Variants in SPOCK3 observed in about 807,000 individuals in gnomAD.
The protein encoded by SPOCK3 is SPARC (osteonectin), cwcv and kazal like domains proteoglycan 3.
SPOCK3 carries 30 observed loss-of-function variants against 56.6 expected under a neutral mutation model. The observed-to-expected ratio is 0.53, with a 90% CI of 0.40 to 0.72. The LOEUF (loss-of-function observed/expected upper bound fraction) is 0.72, where lower values mean the gene tolerates loss of function less well. Ranked by LOEUF, SPOCK3 falls within the 30% of genes least tolerant of loss-of-function variation. SPOCK3 has a pLI of 0.00. For synonymous variants in SPOCK3, 196 were observed against 183.3 expected, an observed-to-expected ratio of 1.07 and a Z score of -0.56; for missense variants, 527 against 530.0, an observed-to-expected ratio of 0.99 and a Z score of 0.06.
chr4:166,982,706 T>C (rs900208947), intron 4 of SPOCK3, among the ~76,000 whole-genome samples: 2 of 152,354 alleles, frequency 1.3e-5, no homozygotes, highest in Non-Finnish European at 1.5e-5. Flanking sequence ...TATGTTTCTA[T>C]ACACATTGAA....
At position 167,233,951 on chromosome 4, in the gene SPOCK3, C is replaced by T. The variant is rs199582399; in HGVS notation, c.189+34G>A. ...GGCCCCCGCCTCGGAGCAGCGCGCGCGTGTGCCCGGGGATGTGGGTGCGCG... is the reference window on the plus strand; with the variant it reads ...GGCCCCCGCCTCGGAGCAGCGCGCGTGTGTGCCCGGGGATGTGGGTGCGCG... On this transcript the variant is annotated intron_variant, in intron 2 of 10. Transcript: ENST00000357545. 3,793 of 1,589,100 alleles carry T rather than the reference C, an allele frequency of 2.4e-3. 27 individuals carry two copies. The highest frequency in any genetic ancestry group is 0.017 in the South Asian group (1,495 of 89,976).
At chr4:166,837,578 C>T (rs1173762392) in intron 6 of SPOCK3, among the ~76,000 whole-genome samples, 1 of 152,166 alleles carries the variant, frequency 6.6e-6, no homozygotes, top group Non-Finnish European at 1.5e-5. Flanking sequence ...AGAAATTGTA[C>T]TTCCCATTAC....
At chr4:166,950,144 T>C (rs1202396110) in intron 4 of SPOCK3, among the ~76,000 whole-genome samples, 7 of 151,478 alleles carry the variant, frequency 4.6e-5, no homozygotes, top group African/African-American at 1.7e-4. Context: ...GACTGGCAAA[T>C]TGGATAAAGA....
chr4:167,162,055 A>G (rs1765367600), intron 2 of SPOCK3, among the ~76,000 whole-genome samples: 1 of 152,028 alleles, frequency 6.6e-6, no homozygotes, highest in African/African-American at 2.4e-5. Flanking sequence ...AAAAAAAAGA[A>G]GACACAGAGA....
At chr4:167,015,161 A>G (rs765960256) in intron 3 of SPOCK3, among the ~76,000 whole-genome samples, 3 of 152,086 alleles carry the variant, frequency 2.0e-5, no homozygotes, top group Non-Finnish European at 4.4e-5. Flanking sequence ...ATAGATAGAT[A>G]AAACTAATTT....
chr4:166,773,016 T>A (rs927593349), intron 7 of SPOCK3, among the ~76,000 whole-genome samples: 1 of 152,162 alleles, frequency 6.6e-6, no homozygotes, highest in Non-Finnish European at 1.5e-5. Context: ...GGTCTCGAAC[T>A]ACTGGCCTCA....
chr4:166,911,246 T>C (rs1579620623), intron 5 of SPOCK3, among the ~76,000 whole-genome samples: 1 of 21,660 alleles, frequency 4.6e-5, no homozygotes, highest in African/African-American at 2.0e-4. Context: ...GCACCTAGTG[T>C]GTACTATGTA....
At chr4:167,109,127 T>TATATTTATATAAAAATATATATAAA (rs1253630622) in intron 2 of SPOCK3, among the ~76,000 whole-genome samples, 253 of 690 alleles carry the variant, frequency 0.37, 76 homozygotes, top group South Asian at 0.5. Context: ...TATATAAATA[T>TATATTTATATAAAAATATATATAAA]TATATATTTA....
chr4:167,174,618 A>G lies in SPOCK3; in HGVS notation c.189+59367T>C, dbSNP rs563049428. Among the ~76,000 whole-genome samples the G allele has an allele frequency of 2.6e-5, 4 of 152,254 alleles. No individual in the cohort carries two copies. In the South Asian group the frequency reaches 8.3e-4, roughly 32 times the overall value. ...GCTTGGAATCAAGAGATGAGCCTAGAGCCTATCGGATGAGAATGAAGGCTC... is the reference window on the plus strand; with the variant it reads ...GCTTGGAATCAAGAGATGAGCCTAGGGCCTATCGGATGAGAATGAAGGCTC... On this transcript the variant is annotated intron_variant, in intron 2 of 10. Transcript: ENST00000357545.
chr4:166,893,017 C>T (rs566699067), intron 5 of SPOCK3, among the ~76,000 whole-genome samples: 1 of 152,146 alleles, frequency 6.6e-6, no homozygotes, highest in East Asian at 1.9e-4. Flanking sequence ...ATTTCACTCC[C>T]CCCTCAAATG....
chr4:166,860,248 G>A (rs1731094383), intron 6 of SPOCK3, among the ~76,000 whole-genome samples: 1 of 151,994 alleles, frequency 6.6e-6, no homozygotes, highest in African/African-American at 2.4e-5. Context: ...TAGCCAGGAT[G>A]GTGTTGTTTG....
At chr4:166,767,423 T>C (rs1468746361) in intron 7 of SPOCK3, among the ~76,000 whole-genome samples, 2 of 152,096 alleles carry the variant, frequency 1.3e-5, no homozygotes, top group East Asian at 1.9e-4. Context: ...AACATCTTTA[T>C]TTCTGCCTTC....
chr4:166,937,292 A>T (rs1740515666), intron 4 of SPOCK3, among the ~76,000 whole-genome samples: 1 of 151,724 alleles, frequency 6.6e-6, no homozygotes, highest in Non-Finnish European at 1.5e-5. Context: ...AATTTTTCCC[A>T]GGATTACCAT....
At chr4:166,936,287 C>A (rs1186714306) in intron 4 of SPOCK3, among the ~76,000 whole-genome samples, 1 of 151,848 alleles carries the variant, frequency 6.6e-6, no homozygotes, top group Non-Finnish European at 1.5e-5. Context: ...TTAAAAAGTT[C>A]TTGTCTGATT....
chr4:166,837,984 T>A (rs1012917676), intron 6 of SPOCK3, among the ~76,000 whole-genome samples: 5 of 152,330 alleles, frequency 3.3e-5, no homozygotes, highest in Middle Eastern at 3.4e-3. Flanking sequence ...TCTCATGATA[T>A]ATATCGTGTT....
chr4:167,078,952 A>G (rs370452759), intron 2 of SPOCK3, among the ~76,000 whole-genome samples: 4 of 151,980 alleles, frequency 2.6e-5, no homozygotes, highest in South Asian at 4.1e-4. Context: ...ACAGTTCTAT[A>G]TAATTTTTAT....
At chr4:166,834,216 CTCTT>C (rs1471469232) in intron 6 of SPOCK3, among the ~76,000 whole-genome samples, 2 of 152,114 alleles carry the variant, frequency 1.3e-5, no homozygotes, top group African/African-American at 4.8e-5. Context: ...ATTGCAAACT[CTCTT>C]TGTTTCTGTG....
chr4:166,852,943 C>T (rs1730282390), intron 6 of SPOCK3, among the ~76,000 whole-genome samples: 1 of 152,122 alleles, frequency 6.6e-6, no homozygotes, highest in African/African-American at 2.4e-5. Context: ...TATGAACTGC[C>T]TGTAAAAGTC....
intron 2 of SPOCK3, among the ~76,000 whole-genome samples, chr4:167,090,507 TA>T (rs1304059249): frequency 6.6e-6 from 1 of 151,838 alleles, no homozygotes; most frequent in African/African-American, 2.4e-5. Flanking sequence ...GATATGGATT[TA>T]TTTTTTTTTT....
Sources: allele counts gnomAD v4.1 joint callset (sites outside exome capture counted in the v4.1 genomes callset), GRCh38; gene constraint gnomAD v4.1.1; transcripts MANE v1.5; gene names NCBI Gene and HGNC (gene_info 2026-07-23, HGNC 2026-07-21).